The following DNER variants were observed in gnomAD, a reference collection of about 807,000 sequenced individuals.
The protein encoded by DNER is delta/notch like EGF repeat containing, also known as delta and Notch-like epidermal growth factor-related receptor.
DNER carries 33 observed loss-of-function variants against 78.2 expected under a neutral mutation model. The ratio of observed to expected loss-of-function variants is 0.42; its 90% confidence interval spans 0.32 to 0.56. The LOEUF (loss-of-function observed/expected upper bound fraction) is 0.56. Among genes scored for constraint, DNER ranks in the 20% least tolerant of loss-of-function variants. The probability of loss-of-function intolerance (pLI) is 0.11; values close to 1 mark genes in which losing one functional copy is unlikely to be tolerated. For missense variants in DNER, 918 were observed against 975.3 expected (o/e 0.94, Z 0.78); for synonymous variants, 417 against 384.8 (o/e 1.08, Z -0.98).
intron 8 of DNER, 52 bp from the exon 9 acceptor site, chr2:229,418,282 A>T: frequency 6.2e-7 from 1 of 1,609,918 alleles, no homozygotes; most frequent in Non-Finnish European, 8.5e-7. Flanking sequence ...TTTACAACCC[A>T]CGCGGGACCA....
chr2:229,659,366 C>G (rs1246211518), intron 1 of DNER, among the ~76,000 whole-genome samples: 1 of 152,158 alleles, frequency 6.6e-6, no homozygotes, highest in Admixed American at 6.6e-5. Context: ...CACTAGCAAG[C>G]AAGTCCCCAA....
At chr2:229,396,566 G>A (rs891950717) in intron 10 of DNER, among the ~76,000 whole-genome samples, 1 of 152,174 alleles carries the variant, frequency 6.6e-6, no homozygotes, top group Non-Finnish European at 1.5e-5. Flanking sequence ...GAGCCCATCT[G>A]TGCTGTACTC....
At chr2:229,491,371 T>C (rs1168898495) in intron 6 of DNER, among the ~76,000 whole-genome samples, 1 of 152,216 alleles carries the variant, frequency 6.6e-6, no homozygotes, top group Non-Finnish European at 1.5e-5. Context: ...CTGGGCCCTC[T>C]TTCATGAGGG....
chr2:229,455,479 A>AGTC (rs554862399), intron 7 of DNER, among the ~76,000 whole-genome samples: 91 of 152,190 alleles, frequency 6.0e-4, no homozygotes, highest in African/African-American at 2.1e-3. Context: ...CTGGCCTGTC[A>AGTC]GTCAGTCTGT....
chr2:229,481,896 G>A (rs1042576386), intron 6 of DNER, among the ~76,000 whole-genome samples: 1 of 152,212 alleles, frequency 6.6e-6, no homozygotes, highest in African/African-American at 2.4e-5. Context: ...GCTCTAGCAT[G>A]CATACACAAC....
chr2:229,531,023 T>C (rs1696290845), intron 5 of DNER, among the ~76,000 whole-genome samples: 1 of 152,196 alleles, frequency 6.6e-6, no homozygotes, highest in Admixed American at 6.5e-5. Flanking sequence ...TGGCTTCCTT[T>C]TGGGTCAAGG....
rs184250414 is a variant in DNER at position 229,637,587 on chromosome 2, G to A, written c.277-45699C>T. Reference sequence around the variant, plus strand: ...TTATTGGCATCTATTGTAGCCATAGGATGGAAATTCTATGTAATGGTGCTC... The same window carrying A: ...TTATTGGCATCTATTGTAGCCATAGAATGGAAATTCTATGTAATGGTGCTC... On this transcript the variant is annotated intron_variant, in intron 1 of 12. Coordinates refer to ENST00000341772, the MANE Select transcript of DNER (RefSeq NM_139072.4). Among the ~76,000 whole-genome samples the A allele has an allele frequency of 2.2e-3, 329 of 152,322 alleles. 1 individual carries two copies. The highest frequency in any genetic ancestry group is 7.5e-3 in the African/African-American group (312 of 41,564).
intron 5 of DNER, among the ~76,000 whole-genome samples, chr2:229,536,761 G>A (rs924335477): frequency 1.3e-5 from 2 of 152,218 alleles, no homozygotes; most frequent in African/African-American, 4.8e-5. Context: ...TATGACATGA[G>A]TATCTCTCCT....
chr2:229,689,185 A>G (rs1574566668), intron 1 of DNER, among the ~76,000 whole-genome samples: 2 of 152,286 alleles, frequency 1.3e-5, no homozygotes, highest in South Asian at 4.2e-4. Context: ...GTTTATGCCT[A>G]TACGTTTAGC....
intron 12 of DNER, among the ~76,000 whole-genome samples, chr2:229,359,261 T>C (rs1692160546): frequency 6.6e-6 from 1 of 152,208 alleles, no homozygotes; most frequent in Admixed American, 6.5e-5. Context: ...CAGAAGCCAA[T>C]GTTTTCCTCA....
Position 229,367,279 on chromosome 2 carries a change from CT to C in DNER, c.1856-161del, listed in dbSNP as rs1299520728. ...TCCAGACCCAGGGTTAATATCCTTACTACATAAGGACTTCTTAAGAATAACT... is the reference window on the plus strand; with the variant it reads ...TCCAGACCCAGGGTTAATATCCTTACACATAAGGACTTCTTAAGAATAACT... On this transcript the variant is annotated intron_variant, in intron 11 of 12. Coordinates refer to ENST00000341772, the MANE Select transcript of DNER (RefSeq NM_139072.4). 1.1e-4 allele frequency among the ~76,000 whole-genome samples: 16 copies of C among 152,114 alleles called. No individual in the cohort carries two copies. The East Asian group carries it at 3.1e-3, about 29-fold the overall frequency.
chr2:229,385,865 G>T (rs1692852828), intron 11 of DNER, among the ~76,000 whole-genome samples: 1 of 152,054 alleles, frequency 6.6e-6, no homozygotes, highest in Admixed American at 6.6e-5. Flanking sequence ...TGGATAGGAA[G>T]AATCAATATC....
Position 229,615,758 on chromosome 2 carries a change from CTGTA to C in DNER, c.277-23874_277-23871del, listed in dbSNP as rs926432170. 3.4e-4 allele frequency among the ~76,000 whole-genome samples: 52 copies of C among 151,486 alleles called. 2 individuals are homozygous for C. Among genetic ancestry groups the C allele is most frequent in the Middle Eastern group, 3.4e-3 (1 of 294 alleles). ...TTGTAGAGGACAAAGTGTCACATTT[CTGTA>C]GTGGTCATCCCTTCACTAGGAGACT... On this transcript the variant is annotated intron_variant, in intron 1 of 12. Coordinates refer to ENST00000341772, the MANE Select transcript of DNER (RefSeq NM_139072.4).
chr2:229,668,860 C>G (rs1212166751), intron 1 of DNER, among the ~76,000 whole-genome samples: 1 of 151,710 alleles, frequency 6.6e-6, no homozygotes, highest in African/African-American at 2.4e-5. Flanking sequence ...CCCAGCAATT[C>G]CATTACTGGG....
At chr2:229,586,862 A>G in intron 3 of DNER, 1 of 985,566 alleles carries the variant, frequency 1.0e-6, no homozygotes, top group South Asian at 4.7e-5. Context: ...CCCCCAGCAC[A>G]GGGCTCCTGG....
intron 11 of DNER, among the ~76,000 whole-genome samples, chr2:229,376,844 AT>A (rs1692614647): frequency 6.6e-6 from 1 of 152,176 alleles, no homozygotes; most frequent in Admixed American, 6.5e-5. Context: ...AATTAATTTT[AT>A]TTTTTAAACA....
At chr2:229,586,873 C>A (rs945927022) in intron 3 of DNER, 9 of 985,396 alleles carry the variant, frequency 9.1e-6, no homozygotes, top group African/African-American at 3.5e-5. Flanking sequence ...GGGCTCCTGG[C>A]GTGCAGCAGG....
chr2:229,391,249 T>C (rs1251806604), intron 10 of DNER, among the ~76,000 whole-genome samples: 2 of 152,238 alleles, frequency 1.3e-5, no homozygotes, highest in Admixed American at 6.5e-5. Context: ...ACCACAACAT[T>C]CCATTCTCAA....
intron 12 of DNER, among the ~76,000 whole-genome samples, chr2:229,364,642 G>A (rs1051334021): frequency 1.3e-5 from 2 of 152,130 alleles, no homozygotes; most frequent in South Asian, 4.1e-4. Flanking sequence ...AGATGCTCAG[G>A]GTCTCCCAAG....
Sources: gnomAD v4.1 joint callset for allele counts (sites outside exome capture counted in the v4.1 genomes callset) on GRCh38, gnomAD v4.1.1 for gene constraint, MANE v1.5 for transcripts, NCBI Gene and HGNC (gene_info 2026-07-23, HGNC 2026-07-21) for gene names.